The following CYRIB variants were observed in gnomAD, a reference collection of about 807,000 sequenced individuals.
CYRIB encodes the protein CYFIP-related Rac1 interactor B.
Under a neutral mutation model 44.2 loss-of-function variants are expected in CYRIB, and 8 were observed. The ratio of observed to expected loss-of-function variants is 0.18; its 90% CI spans 0.11 to 0.33. The LOEUF is 0.33. CYRIB is among the 10% of genes least tolerant of loss of function. CYRIB has a pLI of 1.00. For missense variants in CYRIB, 185 were observed against 382.8 expected (o/e 0.48, Z 4.31); for synonymous variants, 131 against 127.2 (o/e 1.03, Z -0.20).
At chr8:129,932,911 G>A (rs1231318254) in intron 1 of CYRIB, among the ~76,000 whole-genome samples, 1 of 152,176 alleles carries the variant, frequency 6.6e-6, no homozygotes, top group Non-Finnish European at 1.5e-5. Flanking sequence ...TGGAATTAAT[G>A]TTTAGAAACT....
At chr8:129,855,537 C>T (rs752004529) in intron 6 of CYRIB, 74 bp downstream of exon 8, 1 of 1,467,914 alleles carries the variant, frequency 6.8e-7, no homozygotes, top group Non-Finnish European at 9.5e-7. Flanking sequence ...AACAATGTTT[C>T]CCGGCTCTTC....
intron 1 of CYRIB, among the ~76,000 whole-genome samples, chr8:129,994,419 C>T (rs879911292): frequency 2.0e-5 from 3 of 152,194 alleles, no homozygotes; most frequent in Non-Finnish European, 4.4e-5. Flanking sequence ...TGTAAAGCAG[C>T]CCCGGGAAGC....
At chr8:129,965,004 C>T (rs993384907) in intron 2 of CYRIB, among the ~76,000 whole-genome samples, 3 of 152,214 alleles carry the variant, frequency 2.0e-5, no homozygotes, top group African/African-American at 7.2e-5. Context: ...CTCCTCACAT[C>T]CTTACCCGTG....
intron 1 of CYRIB, among the ~76,000 whole-genome samples, chr8:129,995,444 G>A (rs1296979499): frequency 6.6e-6 from 1 of 152,200 alleles, no homozygotes; most frequent in African/African-American, 2.4e-5. Flanking sequence ...TACCCTAGAA[G>A]CCATTCAGCA....
intron 1 of CYRIB, among the ~76,000 whole-genome samples, chr8:129,998,617 G>A (rs1195904086): frequency 6.6e-6 from 1 of 151,776 alleles, no homozygotes; most frequent in African/African-American, 2.4e-5. Context: ...GCTTTGCAAT[G>A]TCTTAAGGAA....
chr8:129,932,211 G>T (rs1443068640), intron 1 of CYRIB, among the ~76,000 whole-genome samples: 3 of 151,952 alleles, frequency 2.0e-5, no homozygotes, highest in Non-Finnish European at 4.4e-5. Flanking sequence ...TGTTGGGTAG[G>T]CTGCTTCATA....
intron 2 of CYRIB, among the ~76,000 whole-genome samples, chr8:129,891,038 G>A (rs1417054194): frequency 1.3e-5 from 2 of 152,184 alleles, no homozygotes; most frequent in Non-Finnish European, 2.9e-5. Flanking sequence ...ATTTCTTCCA[G>A]CAGTAAGACA....
chr8:129,891,577 T>C (rs1027567038), intron 2 of CYRIB, among the ~76,000 whole-genome samples: 14 of 152,208 alleles, frequency 9.2e-5, no homozygotes, highest in Non-Finnish European at 8.8e-5. Context: ...CATGAAGCCC[T>C]AGCAAATGTT....
At chr8:129,961,489 G>A (rs191888197) in intron 2 of CYRIB, among the ~76,000 whole-genome samples, 58 of 152,272 alleles carry the variant, frequency 3.8e-4, no homozygotes, top group African/African-American at 1.4e-3. Context: ...TGGTTTTGCT[G>A]GTTGCCTCCT....
chr8:129,999,970 C>A (rs182913691), intron 1 of CYRIB, among the ~76,000 whole-genome samples: 10 of 152,264 alleles, frequency 6.6e-5, no homozygotes, highest in African/African-American at 2.4e-4. Flanking sequence ...ATGATGTACA[C>A]CCAGCAGAAA....
chr8:129,906,183 A>G (rs375105099), intron 1 of CYRIB, among the ~76,000 whole-genome samples: 2 of 152,254 alleles, frequency 1.3e-5, no homozygotes, highest in East Asian at 1.9e-4. Flanking sequence ...GAGGCATCAC[A>G]CTACCTGACT....
At chr8:129,972,770 C>A (rs1229427650) in intron 1 of CYRIB, among the ~76,000 whole-genome samples, 1 of 151,944 alleles carries the variant, frequency 6.6e-6, no homozygotes, top group Admixed American at 6.6e-5. Context: ...ACCACACACA[C>A]ACACCCCACA....
intron 1 of CYRIB, among the ~76,000 whole-genome samples, chr8:129,997,075 AGGG>A (rs2096786600): frequency 1.2e-5 from 1 of 86,322 alleles, no homozygotes; most frequent in Non-Finnish European, 2.3e-5. Context: ...GGAGGGAGGG[AGGG>A]AGGGAGGGAA....
intron 1 of CYRIB, among the ~76,000 whole-genome samples, 185 bp downstream of exon 1, chr8:130,016,185 C>T (rs1247859244): frequency 6.8e-6 from 1 of 146,948 alleles, no homozygotes; most frequent in Non-Finnish European, 1.5e-5. Context: ...ACGCCCCCAC[C>T]ACGGCGGCGC....
chr8:129,894,886 A>C (rs2067142370), intron 2 of CYRIB, among the ~76,000 whole-genome samples: 1 of 144,572 alleles, frequency 6.9e-6, no homozygotes, highest in African/African-American at 2.6e-5. Flanking sequence ...CTGTCATACC[A>C]CTCTTTTTTC....
chr8:130,007,165 G>C (rs1352962042), intron 1 of CYRIB, among the ~76,000 whole-genome samples: 8 of 152,090 alleles, frequency 5.3e-5, no homozygotes, highest in Non-Finnish European at 4.4e-5. Context: ...GCAGTAGGTG[G>C]TTCTTGGCCC....
At chr8:129,994,810 C>T (rs1036075310) in intron 1 of CYRIB, among the ~76,000 whole-genome samples, 3 of 152,226 alleles carry the variant, frequency 2.0e-5, no homozygotes, top group Admixed American at 2.0e-4. Context: ...GACAAAGGAC[C>T]ACGGATACTG....
chr8:129,897,308 A>G (rs968084954), intron 2 of CYRIB, among the ~76,000 whole-genome samples: 2 of 152,176 alleles, frequency 1.3e-5, no homozygotes, highest in Non-Finnish European at 2.9e-5. Context: ...TAGAAACTTA[A>G]GACAATGACT....
chr8:129,959,610 A>G lies in CYRIB; in HGVS notation c.-243+11333T>C, dbSNP rs141171788. Among the ~76,000 whole-genome samples the G allele has an allele frequency of 1.8e-4, 27 of 152,248 alleles. No individual in the cohort carries two copies. In the East Asian group the frequency reaches 5.0e-3, roughly 28 times the overall value. Reference sequence around the variant, plus strand: ...GGCAACTTAGCAAGACCCCATCTCTATTATTAATATTTTAAAAAATAAGAA... The same window carrying G: ...GGCAACTTAGCAAGACCCCATCTCTGTTATTAATATTTTAAAAAATAAGAA... On this transcript the variant is annotated intron_variant, in intron 2 of 14. Coordinates refer to the CYRIB transcript ENST00000401979.
Sources: gnomAD v4.1 joint callset for allele counts (sites outside exome capture counted in the v4.1 genomes callset) on GRCh38, gnomAD v4.1.1 for gene constraint, MANE v1.5 for transcripts, NCBI Gene and HGNC (gene_info 2026-07-23, HGNC 2026-07-21) for gene names.